The following RBM47 variants were observed in gnomAD, a reference collection of about 807,000 sequenced individuals.
RBM47 encodes the protein RNA-binding protein 47.
A neutral mutation model predicts 47.1 loss-of-function variants in RBM47; 21 were observed. The ratio of observed to expected loss-of-function variants is 0.45; its 90% CI spans 0.32 to 0.64. RBM47 has a LOEUF of 0.64. Among genes scored for constraint, RBM47 ranks in the 30% least tolerant of loss-of-function variants. The probability of loss-of-function intolerance (pLI) is 0.05; values close to 1 mark genes in which losing one functional copy is unlikely to be tolerated. For synonymous variants in RBM47, 375 were observed against 361.7 expected, an observed-to-expected ratio of 1.04 and a Z score of -0.42; for missense variants, 708 against 870.9, an observed-to-expected ratio of 0.81 and a Z score of 2.35.
chr4:40,457,597 AT>A (rs1048888946), intron 3 of RBM47, among the ~76,000 whole-genome samples: 8 of 150,912 alleles, frequency 5.3e-5, no homozygotes, highest in Middle Eastern at 3.4e-3. Context: ...CGCCCAGCTA[AT>A]TTTTTTTTGT....
intron 1 of RBM47, among the ~76,000 whole-genome samples, chr4:40,618,045 A>G (rs1736904407): frequency 6.6e-6 from 1 of 152,064 alleles, no homozygotes; most frequent in African/African-American, 2.4e-5. Flanking sequence ...GTTTGAGACC[A>G]GCCTGGGCTA....
intron 2 of RBM47, among the ~76,000 whole-genome samples, chr4:40,509,892 A>G (rs1260445105): frequency 1.3e-5 from 2 of 150,674 alleles, no homozygotes; most frequent in Non-Finnish European, 3.0e-5. Flanking sequence ...CAAAAAAAAA[A>G]AGTAAAGAAA....
At chr4:40,525,515 T>C (rs1415747552) in intron 2 of RBM47, among the ~76,000 whole-genome samples, 1 of 152,194 alleles carries the variant, frequency 6.6e-6, no homozygotes, top group African/African-American at 2.4e-5. Context: ...AATTTTTGTT[T>C]TGTAAATCTG....
At chr4:40,517,713 A>G (rs1725747981) in intron 2 of RBM47, among the ~76,000 whole-genome samples, 1 of 152,222 alleles carries the variant, frequency 6.6e-6, no homozygotes, top group Admixed American at 6.6e-5. Flanking sequence ...GTGCCCACAA[A>G]AAATTAAAAA....
At chr4:40,451,184 C>CAAAAA (rs958122281) in intron 3 of RBM47, among the ~76,000 whole-genome samples, 8 of 51,438 alleles carry the variant, frequency 1.6e-4, no homozygotes, top group Admixed American at 4.3e-4. Context: ...CAGTAGCTAC[C>CAAAAA]AAAAAAAAAA....
At chr4:40,450,972 AC>A (rs1430067689) in intron 3 of RBM47, among the ~76,000 whole-genome samples, 1 of 152,158 alleles carries the variant, frequency 6.6e-6, no homozygotes, top group African/African-American at 2.4e-5. Flanking sequence ...CATGGTAGGT[AC>A]TTTTTAAATA....
intron 6 of RBM47, chr4:40,427,678 A>G (rs1483104985): frequency 2.6e-5 from 4 of 152,184 alleles, no homozygotes; most frequent in Non-Finnish European, 5.9e-5. Context: ...ACAATTCAGC[A>G]TATGTGAAAT....
intron 2 of RBM47, among the ~76,000 whole-genome samples, chr4:40,510,257 G>A (rs4861193): frequency 9.9e-5 from 15 of 151,170 alleles, no homozygotes; most frequent in Admixed American, 7.3e-4. Context: ...CAATAGCTTC[G>A]GGGACCATTG....
chr4:40,627,736 T>C (rs1194264475), intron 1 of RBM47, among the ~76,000 whole-genome samples: 1 of 152,226 alleles, frequency 6.6e-6, no homozygotes, highest in Non-Finnish European at 1.5e-5. Flanking sequence ...AGCAAGTCTA[T>C]AGAACACGTG....
At chr4:40,488,826 C>T (rs1721478214) in intron 2 of RBM47, among the ~76,000 whole-genome samples, 1 of 152,194 alleles carries the variant, frequency 6.6e-6, no homozygotes, top group African/African-American at 2.4e-5. Flanking sequence ...GTTGTTACCA[C>T]CAGTTCTGGG....
At position 40,530,931 on chromosome 4, in the gene RBM47, T is replaced by C. The variant is rs117125614; in HGVS notation, c.-155+13491A>G. Among the ~76,000 whole-genome samples, 142 of 152,174 alleles carry C rather than the reference T, an allele frequency of 9.3e-4. No individual in the cohort carries two copies. The East Asian group carries it at 0.024, about 26-fold the overall frequency. On this transcript the variant is annotated intron_variant, in intron 2 of 6. Coordinates refer to ENST00000295971, the MANE Select transcript of RBM47 (RefSeq NM_001098634.2). Reference sequence around the variant, plus strand: ...CTTGGGCAACATAGTGAGACCTGTCTCTACAAAAAGCAAACAAAATTAGCT... The same window carrying C: ...CTTGGGCAACATAGTGAGACCTGTCCCTACAAAAAGCAAACAAAATTAGCT...
In RBM47 at chr4:40,435,413, G is replaced by A. The variant is rs187177420; in HGVS notation, c.1330+1028C>T. ...AATATACAAAAATTAGCCAGGCATGGTGGTGCGCGCCTGTAGTTCCAGCTA... is the reference window on the plus strand; with the variant it reads ...AATATACAAAAATTAGCCAGGCATGATGGTGCGCGCCTGTAGTTCCAGCTA... On this transcript the variant is annotated intron_variant, in intron 5 of 6. Transcript: ENST00000295971. 1.3e-3 allele frequency among the ~76,000 whole-genome samples: 204 copies of A among 152,220 alleles called. 2 individuals carry two copies. Among genetic ancestry groups the A allele is most frequent in the Non-Finnish European group, 1.8e-3 (123 of 68,008 alleles).
At chr4:40,518,605 T>C (rs1220845520) in intron 2 of RBM47, among the ~76,000 whole-genome samples, 1 of 152,064 alleles carries the variant, frequency 6.6e-6, no homozygotes, top group Non-Finnish European at 1.5e-5. Context: ...TAATGACAGA[T>C]CTGAGAACCT....
intron 1 of RBM47, among the ~76,000 whole-genome samples, chr4:40,612,274 G>T (rs1258186349): frequency 6.6e-6 from 1 of 152,210 alleles, no homozygotes; most frequent in Non-Finnish European, 1.5e-5. Flanking sequence ...GCTCACGCCT[G>T]TAATCCCAGC....
At chr4:40,549,958 C>A (rs558042440) in intron 1 of RBM47, among the ~76,000 whole-genome samples, 14 of 152,274 alleles carry the variant, frequency 9.2e-5, no homozygotes, top group Middle Eastern at 3.4e-3. Flanking sequence ...GTGTGAGCCA[C>A]CGTGCGCAGT....
intron 3 of RBM47, among the ~76,000 whole-genome samples, chr4:40,440,509 T>C (rs767749064): frequency 2.0e-5 from 3 of 152,154 alleles, no homozygotes; most frequent in Admixed American, 6.5e-5. Context: ...TCAAGGATAA[T>C]AAAAATGAAT....
intron 1 of RBM47, among the ~76,000 whole-genome samples, chr4:40,623,508 G>A (rs969316873): frequency 6.6e-6 from 1 of 151,932 alleles, no homozygotes; most frequent in Non-Finnish European, 1.5e-5. Flanking sequence ...TTGACCCTCC[G>A]TATTTTTTAG....
intron 1 of RBM47, among the ~76,000 whole-genome samples, chr4:40,592,359 T>C (rs968513776): frequency 2.0e-5 from 3 of 151,340 alleles, no homozygotes; most frequent in African/African-American, 7.3e-5. Context: ...GACTCAGCAG[T>C]CGTCCCACCT....
chr4:40,475,937 C>T (rs1311212423), intron 2 of RBM47, among the ~76,000 whole-genome samples: 1 of 152,144 alleles, frequency 6.6e-6, no homozygotes, highest in Non-Finnish European at 1.5e-5. Context: ...AGATAATGCT[C>T]AACAGCAACC....
Sources: allele counts gnomAD v4.1 joint callset (sites outside exome capture counted in the v4.1 genomes callset), GRCh38; gene constraint gnomAD v4.1.1; transcripts MANE v1.5; gene names NCBI Gene and HGNC (gene_info 2026-07-23, HGNC 2026-07-21).